The following ABCC12 variants were observed in gnomAD, a reference collection of about 807,000 sequenced individuals.
ABCC12 encodes ATP-binding cassette sub-family C member 12.
Under a neutral mutation model 151.1 loss-of-function variants are expected in ABCC12, and 142 were observed. That is an observed-to-expected ratio of 0.94 (90% CI 0.82 to 1.08). The LOEUF is 1.08. Ranked by LOEUF, ABCC12 falls within the 50% of genes least tolerant of loss-of-function variation. The probability of loss-of-function intolerance (pLI) is 0.00; values close to 1 mark genes in which losing one functional copy is unlikely to be tolerated. For synonymous variants in ABCC12, 645 were observed against 646.4 expected (o/e 1.00, Z 0.03); for missense variants, 1,638 against 1,691.1 (o/e 0.97, Z 0.55).
chr16:48,124,149 G>A (rs972556798), intron 12 of ABCC12, 64 bp downstream of exon 12: 183 of 1,548,898 alleles, frequency 1.2e-4, no homozygotes, highest in South Asian at 1.0e-4. Context: ...ACGCCTGACC[G>A]GAAGGGAGCC....
At chr16:48,084,098 C>T (rs1486370943) in intron 29 of ABCC12, 25 bp from the exon 30 acceptor site, 1 of 1,581,930 alleles carries the variant, frequency 6.3e-7, no homozygotes, top group Admixed American at 1.9e-5. Flanking sequence ...ACATTATAAG[C>T]CAAAGGCGCA....
At chr16:48,134,005 C>T (rs1019409563) in intron 8 of ABCC12, among the ~76,000 whole-genome samples, 170 bp from the exon 9 acceptor site, 3 of 152,262 alleles carry the variant, frequency 2.0e-5, no homozygotes, top group African/African-American at 2.4e-5. Flanking sequence ...CCAGCAGGTA[C>T]TCACAGCTCG....
rs897605269 is a variant in ABCC12 at position 48,091,174 on chromosome 16, T to TC, written c.3230dup (p.Thr1078AsnfsTer23). ...AGGTGAATTTGGCTTGCGTCTCTGT[T>TC]CCCGTTCGCACACACACTTGGAGCA... On this transcript the variant is annotated frameshift_variant, in exon 25 of 31. Transcript: ENST00000311303. LOFTEE classifies it high-confidence loss of function. 1 of 1,614,020 alleles carries TC rather than the reference T, an allele frequency of 6.2e-7. No individual in the cohort carries two copies. Among genetic ancestry groups the TC allele is most frequent in the African/African-American group, 1.3e-5 (1 of 74,914 alleles).
intron 6 of ABCC12, 83 bp from the exon 7 acceptor site, chr16:48,139,419 G>C: frequency 1.4e-6 from 2 of 1,432,750 alleles, no homozygotes; most frequent in South Asian, 1.4e-5. Context: ...ATTGGCCGAG[G>C]GGATCTAGGG....
At chr16:48,099,268 A>T (rs1053418915) in intron 23 of ABCC12, among the ~76,000 whole-genome samples, 10 of 152,024 alleles carry the variant, frequency 6.6e-5, no homozygotes, top group Admixed American at 1.3e-4. Flanking sequence ...AAATACAAAA[A>T]TTAGCTGGGC....
At chr16:48,123,883 T>A (rs941153498) in intron 12 of ABCC12, among the ~76,000 whole-genome samples, 2 of 152,232 alleles carry the variant, frequency 1.3e-5, no homozygotes, top group African/African-American at 4.8e-5. Context: ...CTTGCTGGCA[T>A]TTCTAAATCA....
chr16:48,128,201 T>C (rs1348854964), intron 11 of ABCC12, among the ~76,000 whole-genome samples: 1 of 152,230 alleles, frequency 6.6e-6, no homozygotes, highest in African/African-American at 2.4e-5. Flanking sequence ...GGACTGTTCA[T>C]TCAAAACTGC....
At chr16:48,107,037 C>T (rs1963516054) in intron 20 of ABCC12, among the ~76,000 whole-genome samples, 2 of 152,156 alleles carry the variant, frequency 1.3e-5, no homozygotes, top group Non-Finnish European at 2.9e-5. Context: ...TGAAACTGAC[C>T]CAATCTTGTA....
chr16:48,155,454 G>A (rs976195094), intron 1 of ABCC12, among the ~76,000 whole-genome samples: 1 of 150,588 alleles, frequency 6.6e-6, no homozygotes, highest in African/African-American at 2.4e-5. Flanking sequence ...TTTTTTTTTG[G>A]GGGGGAGGTA....
rs1179745750 is a variant in ABCC12, at chr16:48,133,527, G to GAA, written c.1128+158_1128+159dup. ...GGTGACTGAGTGAGACCCTGTCTCA[G>GAA]AAAAAAAAAAAAAAAAAGTTGGAGT... On this transcript the variant is annotated intron_variant, in intron 9 of 30. Coordinates refer to ENST00000311303, the MANE Select transcript of ABCC12 (RefSeq NM_001393797.1). Among the ~76,000 whole-genome samples the GAA allele has an allele frequency of 9.5e-4, 104 of 109,610 alleles. 1 individual carries two copies. Among genetic ancestry groups the GAA allele is most frequent in the African/African-American group, 3.1e-3 (96 of 30,572 alleles). 71.9% of individuals were successfully genotyped at this position (109,610 alleles called of 152,430 possible). A position where few individuals can be genotyped will look rare whatever the true frequency, so the allele number is the denominator to read the frequency against.
rs200166492 is a variant in ABCC12 at position 48,121,856 on chromosome 16, G to A, written c.1588-16C>T. The stretch of plus-strand genomic sequence containing the variant: ...GCAGCTGCATCTGGAACAACAAGAC[G>A]GGAGAAGCTTCAGGAGCCAAGCCTT... On this transcript the variant is annotated splice_polypyrimidine_tract_variant and intron_variant, in intron 12 of 30. Transcript: ENST00000311303. 1.2e-4 allele frequency: 187 copies of A among 1,613,788 alleles called. No individual in the cohort carries two copies. The highest frequency in any genetic ancestry group is 3.3e-4 in the Middle Eastern group (2 of 6,062).
intron 14 of ABCC12, among the ~76,000 whole-genome samples, chr16:48,116,006 G>A (rs555546460): frequency 2.6e-5 from 4 of 152,318 alleles, no homozygotes; most frequent in Non-Finnish European, 4.4e-5. Flanking sequence ...AGAGGGAAAC[G>A]TGGCTGGGTG....
intron 24 of ABCC12, among the ~76,000 whole-genome samples, chr16:48,095,773 G>A (rs1476736359): frequency 6.7e-6 from 1 of 150,250 alleles, no homozygotes; most frequent in Non-Finnish European, 1.5e-5. Flanking sequence ...ATGTTTCCAA[G>A]CTGATGAGAA....
At chr16:48,111,397 C>T (rs368498901) in intron 18 of ABCC12, 39 bp downstream of exon 18, 167 of 1,599,128 alleles carry the variant, frequency 1.0e-4, no homozygotes, top group Admixed American at 1.5e-4. Flanking sequence ...CCCAATACAT[C>T]CTTAAGTGTA....
At chr16:48,115,127 G>T (rs1489554744) in intron 15 of ABCC12, among the ~76,000 whole-genome samples, 1 of 152,148 alleles carries the variant, frequency 6.6e-6, no homozygotes, top group Non-Finnish European at 1.5e-5. Flanking sequence ...AGAACTTGGG[G>T]AAGGGTGCCC....
chr16:48,108,705 C>T (rs1706376105), intron 18 of ABCC12, among the ~76,000 whole-genome samples, 176 bp from the exon 19 acceptor site: 1 of 152,188 alleles, frequency 6.6e-6, no homozygotes, highest in Admixed American at 6.5e-5. Context: ...TTGTGCTACT[C>T]GGTCTTCAGT....
At chr16:48,152,963 A>C (rs900989748) in intron 2 of ABCC12, among the ~76,000 whole-genome samples, 1 of 152,250 alleles carries the variant, frequency 6.6e-6, no homozygotes, top group Non-Finnish European at 1.5e-5. Flanking sequence ...TTAATTTGCT[A>C]TAAAGAACAT....
At chr16:48,149,297 A>G (rs1384012600) in intron 2 of ABCC12, among the ~76,000 whole-genome samples, 1 of 151,842 alleles carries the variant, frequency 6.6e-6, no homozygotes, top group Non-Finnish European at 1.5e-5. Context: ...ATAAAACACA[A>G]AAGGAATAAA....
chr16:48,121,197 T>A (rs527796611), intron 13 of ABCC12: 1 of 152,112 alleles, frequency 6.6e-6, no homozygotes, highest in Admixed American at 6.5e-5. Flanking sequence ...AAAAATAAAA[T>A]GATATAAAAA....
Sources: gnomAD v4.1 joint callset for allele counts (sites outside exome capture counted in the v4.1 genomes callset) on GRCh38, gnomAD v4.1.1 for gene constraint, MANE v1.5 for transcripts, NCBI Gene and HGNC (gene_info 2026-07-23, HGNC 2026-07-21) for gene names.